The following GALNTL6 variants were observed in gnomAD, a reference collection of about 807,000 sequenced individuals.
GALNTL6 encodes the protein polypeptide N-acetylgalactosaminyltransferase-like 6.
Under a neutral mutation model 73.7 loss-of-function variants are expected in GALNTL6, and 46 were observed. The observed-to-expected ratio is 0.62, with a 90% confidence interval of 0.49 to 0.80. GALNTL6 has a LOEUF of 0.80. Ranked by LOEUF, GALNTL6 falls within the 30% of genes least tolerant of loss-of-function variation. The pLI is 0.00. For missense variants in GALNTL6, 604 were observed against 755.0 expected (o/e 0.80, Z 2.34); for synonymous variants, 259 against 263.7 (o/e 0.98, Z 0.17).
At position 172,311,672 on chromosome 4, in the gene GALNTL6, T is replaced by C; in HGVS notation, c.306T>C (p.Ala102=). The change falls in exon 4 of 13, where the codon GCT becomes GCC. Residue 102 remains alanine (A), a synonymous_variant. Transcript: ENST00000506823. ...PLTEEDHDDS[A]YRENGFNIFV... The stretch of plus-strand genomic sequence containing the variant: ...CTGAAGAGGACCATGATGACTCAGC[T>C]TACAGGGAAAATGGTTTTAATATTT... 5.0e-6 allele frequency: 8 copies of C among 1,612,120 alleles called. No homozygotes were observed. The highest frequency in any genetic ancestry group is 6.8e-6 in the Non-Finnish European group (8 of 1,178,650).
intron 8 of GALNTL6, among the ~76,000 whole-genome samples, chr4:172,919,231 C>T (rs1205971910): frequency 6.6e-6 from 1 of 152,126 alleles, no homozygotes; most frequent in Non-Finnish European, 1.5e-5. Flanking sequence ...CTCGTGGAAA[C>T]GGTGCAAAAG....
At chr4:172,073,794 G>C (rs144965780) in intron 2 of GALNTL6, among the ~76,000 whole-genome samples, 161 of 152,326 alleles carry the variant, frequency 1.1e-3, no homozygotes, top group Admixed American at 1.8e-3. Context: ...TGTGTAAAGA[G>C]TACTGCAATT....
intron 10 of GALNTL6, among the ~76,000 whole-genome samples, chr4:172,994,388 GC>G (rs1751683778): frequency 6.6e-6 from 1 of 152,128 alleles, no homozygotes; most frequent in Non-Finnish European, 1.5e-5. Context: ...TGATTTTAGA[GC>G]AGGAGTTAAG....
chr4:171,822,033 T>G (rs539226409), intron 2 of GALNTL6, among the ~76,000 whole-genome samples: 1 of 152,176 alleles, frequency 6.6e-6, no homozygotes, highest in African/African-American at 2.4e-5. Flanking sequence ...TATTTCTTTG[T>G]AGTGACTACT....
intron 5 of GALNTL6, among the ~76,000 whole-genome samples, chr4:172,725,669 G>A (rs1287607581): frequency 6.6e-6 from 1 of 152,160 alleles, no homozygotes; most frequent in Non-Finnish European, 1.5e-5. Flanking sequence ...AGAGTTTCTT[G>A]ACAAATGTTT....
chr4:172,411,175 G>T, intron 5 of GALNTL6, among the ~76,000 whole-genome samples: 1 of 152,134 alleles, frequency 6.6e-6, no homozygotes, highest in East Asian at 1.9e-4. Context: ...GTTTGCTGAT[G>T]AAGTAGTTAC....
At chr4:172,812,190 A>T (rs1432719240) in intron 6 of GALNTL6, among the ~76,000 whole-genome samples, 2 of 152,204 alleles carry the variant, frequency 1.3e-5, no homozygotes, top group Non-Finnish European at 2.9e-5. Flanking sequence ...ACTTCTTATT[A>T]TAACCAGTAA....
intron 2 of GALNTL6, among the ~76,000 whole-genome samples, chr4:172,041,185 C>T (rs922291242): frequency 1.3e-5 from 2 of 152,008 alleles, no homozygotes; most frequent in Non-Finnish European, 2.9e-5. Context: ...GTTTATTGAT[C>T]CCTATGAATC....
intron 10 of GALNTL6, among the ~76,000 whole-genome samples, chr4:172,999,218 A>G (rs1751931120): frequency 6.6e-6 from 1 of 152,152 alleles, no homozygotes; most frequent in Non-Finnish European, 1.5e-5. Flanking sequence ...GTAGTGATAA[A>G]GAAACTTGCA....
intron 2 of GALNTL6, among the ~76,000 whole-genome samples, chr4:171,905,078 T>G (rs1248146386): frequency 1.3e-5 from 2 of 152,126 alleles, no homozygotes; most frequent in African/African-American, 4.8e-5. Flanking sequence ...AGGAAGAAAC[T>G]GCATCAACTA....
chr4:172,775,908 A>T (rs1303038423), intron 5 of GALNTL6, among the ~76,000 whole-genome samples: 1 of 152,168 alleles, frequency 6.6e-6, no homozygotes. Context: ...GCTTGCCTCC[A>T]GCTGATGGCT....
chr4:172,455,556 G>A (rs1182548584), intron 5 of GALNTL6, among the ~76,000 whole-genome samples: 1 of 152,142 alleles, frequency 6.6e-6, no homozygotes, highest in Middle Eastern at 3.2e-3. Flanking sequence ...GCTTGAGTAG[G>A]TGGTTTTCCC....
At chr4:172,611,550 G>T (rs1738527104) in intron 5 of GALNTL6, among the ~76,000 whole-genome samples, 1 of 151,958 alleles carries the variant, frequency 6.6e-6, no homozygotes, top group Admixed American at 6.6e-5. Context: ...CTGTTCACCT[G>T]TTGGAGTTTT....
intron 9 of GALNTL6, among the ~76,000 whole-genome samples, chr4:172,937,757 T>C (rs890596798): frequency 2.0e-5 from 3 of 152,100 alleles, no homozygotes; most frequent in Non-Finnish European, 2.9e-5. Context: ...CAGAATATCA[T>C]GAGGATGAGA....
At chr4:172,433,774 C>T (rs1424875108) in intron 5 of GALNTL6, among the ~76,000 whole-genome samples, 1 of 152,004 alleles carries the variant, frequency 6.6e-6, no homozygotes, top group Middle Eastern at 3.2e-3. Flanking sequence ...AAGATGGAGT[C>T]CTACCACTAT....
chr4:172,126,216 C>CT (rs1733289853), intron 2 of GALNTL6, among the ~76,000 whole-genome samples: 1 of 152,050 alleles, frequency 6.6e-6, no homozygotes, highest in African/African-American at 2.4e-5. Context: ...AAGTCAATAA[C>CT]AAATGTATGC....
Position 172,405,325 on chromosome 4 carries a change from A to ATG in GALNTL6, c.553+56637_553+56638insGT, listed in dbSNP as rs1744169640. On this transcript the variant is annotated intron_variant, in intron 5 of 12. Transcript: ENST00000506823. ...ACATATATACTTAATACTTATATATATAAGTATATATAAATATGTATATAC... is the reference window on the plus strand; with the variant it reads ...ACATATATACTTAATACTTATATATATGTAAGTATATATAAATATGTATATAC... 4.7e-5 allele frequency among the ~76,000 whole-genome samples: 7 copies of ATG among 147,454 alleles called. No homozygotes were observed. In the Admixed American group the frequency reaches 4.8e-4, roughly 10 times the overall value.
At chr4:172,562,073 A>T (rs1356704007) in intron 5 of GALNTL6, among the ~76,000 whole-genome samples, 2 of 152,154 alleles carry the variant, frequency 1.3e-5, no homozygotes, top group African/African-American at 4.8e-5. Context: ...GGGTATGATG[A>T]TCACCTCTCT....
chr4:172,018,227 G>C (rs1028467007), intron 2 of GALNTL6, among the ~76,000 whole-genome samples: 5 of 152,060 alleles, frequency 3.3e-5, no homozygotes, highest in Non-Finnish European at 5.9e-5. Context: ...CATTGGCCAG[G>C]GGGAGGTATT....
Sources: allele counts gnomAD v4.1 joint callset (sites outside exome capture counted in the v4.1 genomes callset), GRCh38; gene constraint gnomAD v4.1.1; transcripts MANE v1.5; gene names NCBI Gene and HGNC (gene_info 2026-07-23, HGNC 2026-07-21).